Variants in GYPE observed in about 807,000 individuals in gnomAD.
GYPE encodes glycophorin E (MNS blood group).
Under a neutral mutation model 11.6 loss-of-function variants are expected in GYPE, and 8 were observed. The ratio of observed to expected loss-of-function variants is 0.69; its 90% CI spans 0.41 to 1.25. GYPE has a LOEUF of 1.25. GYPE is among the 50% of genes most tolerant of loss of function. The pLI is 0.01. For synonymous variants in GYPE, 28 were observed against 29.6 expected, an observed-to-expected ratio of 0.94 and a Z score of 0.18; for missense variants, 90 against 92.8, an observed-to-expected ratio of 0.97 and a Z score of 0.12.
intron 1 of GYPE, among the ~76,000 whole-genome samples, chr4:143,898,965 A>G (rs1744764737): frequency 1.4e-5 from 2 of 144,910 alleles, no homozygotes; most frequent in African/African-American, 5.1e-5. Flanking sequence ...TATGTTTTGT[A>G]TTTATTTCCT....
At chr4:143,897,376 GGAGAA>G (rs759142252) in intron 1 of GYPE, among the ~76,000 whole-genome samples, 25 of 151,982 alleles carry the variant, frequency 1.6e-4, no homozygotes, top group Admixed American at 3.3e-4. Context: ...GGCAGAAGCT[GGAGAA>G]TCACTTGAAT....
chr4:143,895,120 A>G (rs1428825253), intron 1 of GYPE, among the ~76,000 whole-genome samples: 4 of 151,930 alleles, frequency 2.6e-5, no homozygotes, highest in Non-Finnish European at 4.4e-5. Context: ...CTCTCTCACC[A>G]CTCCTATTCA....
intron 1 of GYPE, among the ~76,000 whole-genome samples, chr4:143,891,392 G>A (rs541724238): frequency 1.6e-4 from 23 of 143,842 alleles, no homozygotes; most frequent in African/African-American, 5.2e-4. Context: ...GCAGTGGCCT[G>A]ATCTCGGCTG....
intron 1 of GYPE, among the ~76,000 whole-genome samples, chr4:143,897,687 G>A (rs1744702792): frequency 6.6e-6 from 1 of 152,098 alleles, no homozygotes; most frequent in Non-Finnish European, 1.5e-5. Flanking sequence ...CTGGCTGCCA[G>A]ATCAATAGCA....
intron 1 of GYPE, among the ~76,000 whole-genome samples, chr4:143,895,254 A>T (rs1462175707): frequency 1.3e-5 from 2 of 152,088 alleles, no homozygotes; most frequent in Non-Finnish European, 2.9e-5. Context: ...TATCTAGAAA[A>T]CCCCATTGTC....
At chr4:143,880,043 C>A (rs1191781929) in intron 2 of GYPE, among the ~76,000 whole-genome samples, 1 of 152,184 alleles carries the variant, frequency 6.6e-6, no homozygotes, top group Non-Finnish European at 1.5e-5. Flanking sequence ...GGGCAACTCA[C>A]CCTGGGTCAG....
intron 1 of GYPE, among the ~76,000 whole-genome samples, chr4:143,886,020 T>C (rs1211387311): frequency 1.9e-5 from 1 of 51,424 alleles, no homozygotes; most frequent in African/African-American, 4.3e-5. Context: ...AATGACCTTT[T>C]TCATAGTTCA....
At chr4:143,900,870 G>C (rs906724398) in intron 1 of GYPE, among the ~76,000 whole-genome samples, 3 of 152,092 alleles carry the variant, frequency 2.0e-5, no homozygotes, top group Admixed American at 2.0e-4. Flanking sequence ...GTTTCCTTTT[G>C]GAGTGATGAA....
chr4:143,875,819 CA>C (rs1743782079), intron 3 of GYPE, among the ~76,000 whole-genome samples: 1 of 151,796 alleles, frequency 6.6e-6, no homozygotes. Flanking sequence ...TAAAAAAATA[CA>C]AAAATTAGTC....
At chr4:143,902,012 T>C (rs1420576352) in intron 1 of GYPE, among the ~76,000 whole-genome samples, 1 of 152,080 alleles carries the variant, frequency 6.6e-6, no homozygotes, top group Non-Finnish European at 1.5e-5. Flanking sequence ...GGGGATTCAT[T>C]GGGGTTTACA....
chr4:143,884,006 A>G (rs1163122193), intron 1 of GYPE, among the ~76,000 whole-genome samples: 4 of 152,052 alleles, frequency 2.6e-5, no homozygotes, highest in Admixed American at 2.6e-4. Context: ...TTTTCAGTCT[A>G]TGGGAGGGTG....
intron 1 of GYPE, among the ~76,000 whole-genome samples, chr4:143,882,786 T>C (rs996883438): frequency 6.6e-6 from 1 of 152,184 alleles, no homozygotes; most frequent in Non-Finnish European, 1.5e-5. Flanking sequence ...CCACTTACAT[T>C]TAGGGTGCAC....
intron 1 of GYPE, among the ~76,000 whole-genome samples, chr4:143,899,190 C>G (rs1744772794): frequency 6.8e-6 from 1 of 148,066 alleles, no homozygotes; most frequent in Non-Finnish European, 1.5e-5. Context: ...AAAGCACAAG[C>G]AGAACACTGA....
chr4:143,897,377 G>A (rs1439629809), intron 1 of GYPE, among the ~76,000 whole-genome samples: 1 of 151,874 alleles, frequency 6.6e-6, no homozygotes, highest in Non-Finnish European at 1.5e-5. Context: ...GCAGAAGCTG[G>A]AGAATCACTT....
intron 1 of GYPE, among the ~76,000 whole-genome samples, chr4:143,905,196 C>G (rs1181756979): frequency 6.6e-6 from 1 of 152,148 alleles, no homozygotes; most frequent in East Asian, 1.9e-4. Context: ...TTTCTCATAG[C>G]ATTTGATAAA....
At chr4:143,902,767 C>G (rs538703550) in intron 1 of GYPE, among the ~76,000 whole-genome samples, 1 of 152,130 alleles carries the variant, frequency 6.6e-6, no homozygotes, top group Non-Finnish European at 1.5e-5. Flanking sequence ...TGATATCACA[C>G]CAGTCCCTTT....
In GYPE at chr4:143,880,413, T is replaced by G; in HGVS notation, c.134A>C (p.Asn45Thr). The change falls in exon 2 of 4, where the codon AAT (asparagine) becomes ACT (threonine). Residue 45 changes from asparagine to threonine, a missense_variant and splice_region_variant. Asn to Thr is a moderately conservative substitution (Grantham distance 65). Coordinates refer to ENST00000358615, the MANE Select transcript of GYPE (RefSeq NM_198682.3). ...VTKSYISSQT[N>T]GITLINWWAM... is the part of the protein sequence containing the mutation. The stretch of plus-strand genomic sequence containing the variant: ...TAAAAATAAAAATGAAAACAAACCA[T>G]TTGTCTGTGATGAGATGTAACTCTT... 6.2e-7 allele frequency: 1 copy of G among 1,613,956 alleles called. No individual in the cohort carries two copies. Among genetic ancestry groups the G allele is most frequent in the Non-Finnish European group, 8.5e-7 (1 of 1,179,840 alleles).
At chr4:143,895,569 T>C (rs1282453356) in intron 1 of GYPE, among the ~76,000 whole-genome samples, 3 of 149,674 alleles carry the variant, frequency 2.0e-5, no homozygotes, top group Admixed American at 6.7e-5. Context: ...ATCGTGAAAA[T>C]GGCCATACTG....
At chr4:143,883,055 C>A (rs539692868) in intron 1 of GYPE, among the ~76,000 whole-genome samples, 51 of 152,124 alleles carry the variant, frequency 3.4e-4, no homozygotes, top group African/African-American at 1.2e-3. Context: ...GGAGGTGGAG[C>A]CTGGTGGGAG....
Sources: gnomAD v4.1 joint callset for allele counts (sites outside exome capture counted in the v4.1 genomes callset) on GRCh38, gnomAD v4.1.1 for gene constraint, MANE v1.5 for transcripts, NCBI Gene and HGNC (gene_info 2026-07-23, HGNC 2026-07-21) for gene names.